The following QTMAN variants were observed in gnomAD, a reference collection of about 807,000 sequenced individuals.
QTMAN encodes the protein tRNA-queuosine alpha-mannosyltransferase.
the QTMAN span, among the ~76,000 whole-genome samples, chr2:144,062,868 C>T: frequency 0.011 from 1,669 of 152,170 alleles, 11 homozygotes; most frequent in Non-Finnish European, 0.019. Flanking sequence ...CTCCTTTGTA[C>T]GAGAAATTCA....
chr2:144,312,109 G>C, the QTMAN span, among the ~76,000 whole-genome samples: 32 of 152,044 alleles, frequency 2.1e-4, no homozygotes, highest in South Asian at 1.2e-3. Context: ...CACAGCAGAG[G>C]GGTCATCAGT....
chr2:144,252,158 G>A, the QTMAN span, among the ~76,000 whole-genome samples: 1 of 152,114 alleles, frequency 6.6e-6, no homozygotes, highest in Non-Finnish European at 1.5e-5. Context: ...CTTGAAGTGA[G>A]AAGTCTAAGA....
chr2:143,984,016 T>C, the QTMAN span, among the ~76,000 whole-genome samples: 1 of 152,314 alleles, frequency 6.6e-6, no homozygotes, highest in Admixed American at 6.5e-5. Context: ...CACCAAGCCA[T>C]GATTAACGCA....
chr2:144,017,735 T>C, the QTMAN span, among the ~76,000 whole-genome samples: 343 of 152,324 alleles, frequency 2.3e-3, 1 homozygote, highest in African/African-American at 8.0e-3. Flanking sequence ...TTATTTTTTA[T>C]ATTGATAATA....
the QTMAN span, among the ~76,000 whole-genome samples, chr2:144,012,928 G>A: frequency 6.6e-6 from 1 of 151,976 alleles, no homozygotes; most frequent in African/African-American, 2.4e-5. Context: ...AAGGAGAGAG[G>A]GAGTTGATGA....
the QTMAN span, among the ~76,000 whole-genome samples, chr2:144,297,300 G>C: frequency 6.6e-6 from 1 of 152,150 alleles, no homozygotes; most frequent in East Asian, 1.9e-4. Flanking sequence ...TTAAAAGTGT[G>C]CCTGCCAGCT....
At chr2:144,148,643 G>T in the QTMAN span, among the ~76,000 whole-genome samples, 1 of 151,638 alleles carries the variant, frequency 6.6e-6, no homozygotes, top group African/African-American at 2.4e-5. Context: ...ATGTTTAACC[G>T]AAAGGAGCCC....
the QTMAN span, among the ~76,000 whole-genome samples, chr2:144,275,531 G>A: frequency 8.1e-4 from 124 of 152,174 alleles, no homozygotes; most frequent in African/African-American, 2.9e-3. Flanking sequence ...AGACTCTTAA[G>A]TGTCCTCTTA....
At chr2:144,232,889 G>A in the QTMAN span, among the ~76,000 whole-genome samples, 9 of 151,940 alleles carry the variant, frequency 5.9e-5, no homozygotes, top group South Asian at 1.9e-3. Flanking sequence ...CTAATGGTAG[G>A]GCACTAACTA....
At chr2:144,249,220 A>G in the QTMAN span, among the ~76,000 whole-genome samples, 1 of 152,186 alleles carries the variant, frequency 6.6e-6, no homozygotes, top group Admixed American at 6.5e-5. Context: ...TCTGGGCAAA[A>G]CCAGAAAACG....
the QTMAN span, among the ~76,000 whole-genome samples, chr2:144,219,319 C>T: frequency 1.3e-5 from 2 of 152,034 alleles, no homozygotes; most frequent in Non-Finnish European, 2.9e-5. Context: ...TTAGTAGAGA[C>T]GGGATTTCAC....
the QTMAN span, among the ~76,000 whole-genome samples, chr2:144,191,539 G>A: frequency 6.6e-6 from 1 of 152,042 alleles, no homozygotes; most frequent in Non-Finnish European, 1.5e-5. Flanking sequence ...TTAGAATACT[G>A]GATACAGCAA....
At chr2:144,088,167 C>A in the QTMAN span, among the ~76,000 whole-genome samples, 1 of 150,932 alleles carries the variant, frequency 6.6e-6, no homozygotes. Context: ...ATTATCTAGC[C>A]AAGAAAAAAA....
At chr2:143,971,794 T>C in the QTMAN span, among the ~76,000 whole-genome samples, 1 of 152,114 alleles carries the variant, frequency 6.6e-6, no homozygotes, top group African/African-American at 2.4e-5. Flanking sequence ...GTAAAATAAA[T>C]CTGTAAATTG....
chr2:143,975,461 A>G, the QTMAN span, among the ~76,000 whole-genome samples: 1 of 152,200 alleles, frequency 6.6e-6, no homozygotes, highest in African/African-American at 2.4e-5. Flanking sequence ...GGGCTCCATC[A>G]GGAAAGGATA....
chr2:143,980,990 TTC>T, the QTMAN span, among the ~76,000 whole-genome samples: 1 of 152,208 alleles, frequency 6.6e-6, no homozygotes, highest in Non-Finnish European at 1.5e-5. Flanking sequence ...TTGAAACACA[TTC>T]TCTTTTCTTC....
At chr2:144,317,214 C>T in the QTMAN span, among the ~76,000 whole-genome samples, 1 of 152,122 alleles carries the variant, frequency 6.6e-6, no homozygotes, top group Non-Finnish European at 1.5e-5. Flanking sequence ...TCACTTTCTC[C>T]ATTCAAAAAA....
chr2:144,309,167 G>A, the QTMAN span, among the ~76,000 whole-genome samples: 1 of 152,152 alleles, frequency 6.6e-6, no homozygotes. Context: ...TATTGCTAGT[G>A]AGTATGATAC....
the QTMAN span, among the ~76,000 whole-genome samples, chr2:144,236,586 A>G: frequency 9.9e-5 from 15 of 152,050 alleles, no homozygotes; most frequent in Admixed American, 9.8e-4. Flanking sequence ...TAAGAATATC[A>G]ATTCTGACAG....
Sources: gnomAD v4.1 joint callset for allele counts (sites outside exome capture counted in the v4.1 genomes callset) on GRCh38, gnomAD v4.1.1 for gene constraint, MANE v1.5 for transcripts, NCBI Gene and HGNC (gene_info 2026-07-23, HGNC 2026-07-21) for gene names.